SUGCT: variants seen among roughly 807,000 people sequenced by gnomAD.
SUGCT encodes succinyl-CoA:glutarate-CoA transferase, also known as succinyl-CoA:glutarate CoA-transferase.
Under a neutral mutation model 55.0 loss-of-function variants are expected in SUGCT, and 41 were observed. The ratio of observed to expected loss-of-function variants is 0.74; its 90% CI spans 0.58 to 0.97. The LOEUF (loss-of-function observed/expected upper bound fraction) is 0.97. Among genes scored for constraint, SUGCT ranks in the 50% least tolerant of loss-of-function variants. The pLI is 0.00. For missense variants in SUGCT, 568 were observed against 547.8 expected, an observed-to-expected ratio of 1.04 and a Z score of -0.37; for synonymous variants, 187 against 200.4, an observed-to-expected ratio of 0.93 and a Z score of 0.56.
the SUGCT span, among the ~76,000 whole-genome samples, chr7:40,962,878 T>C: frequency 6.6e-6 from 1 of 152,152 alleles, no homozygotes; most frequent in African/African-American, 2.4e-5. Flanking sequence ...AGCTTGTTTA[T>C]TTTCAAACCT....
At chr7:40,338,709 T>C (rs1477894229) in intron 9 of SUGCT, among the ~76,000 whole-genome samples, 1 of 152,198 alleles carries the variant, frequency 6.6e-6, no homozygotes, top group Non-Finnish European at 1.5e-5. Flanking sequence ...TGCTTTAGCT[T>C]GGAGAAGTTT....
At chr7:40,643,759 A>C (rs1405642689) in intron 12 of SUGCT, among the ~76,000 whole-genome samples, 2 of 152,184 alleles carry the variant, frequency 1.3e-5, no homozygotes, top group African/African-American at 4.8e-5. Flanking sequence ...GTAAAATGGA[A>C]ACATCTGTCC....
chr7:40,723,757 A>G (rs1463382733), intron 12 of SUGCT, among the ~76,000 whole-genome samples: 4 of 152,306 alleles, frequency 2.6e-5, no homozygotes, highest in East Asian at 3.9e-4. Flanking sequence ...TTTTCATACT[A>G]TATCCCATTA....
At chr7:40,432,507 G>T (rs1445611700) in intron 9 of SUGCT, among the ~76,000 whole-genome samples, 1 of 152,008 alleles carries the variant, frequency 6.6e-6, no homozygotes, top group African/African-American at 2.4e-5. Flanking sequence ...CCAACATGGT[G>T]AAATCCCATC....
At chr7:40,684,167 T>A (rs754391788) in intron 12 of SUGCT, 1 of 1,557,680 alleles carries the variant, frequency 6.4e-7, no homozygotes, top group Non-Finnish European at 8.7e-7. Flanking sequence ...ACATCTCACT[T>A]CCTGCAGCCA....
intron 12 of SUGCT, among the ~76,000 whole-genome samples, chr7:40,577,940 A>C (rs1196582682): frequency 6.6e-6 from 1 of 152,172 alleles, no homozygotes; most frequent in Admixed American, 6.5e-5. Flanking sequence ...TTTAATATTC[A>C]TCCTGTTTAG....
At chr7:40,996,582 G>A in the SUGCT span, among the ~76,000 whole-genome samples, 4 of 152,130 alleles carry the variant, frequency 2.6e-5, no homozygotes, top group Non-Finnish European at 4.4e-5. Flanking sequence ...TGGGGACCAG[G>A]GAAATTGCCA....
intron 9 of SUGCT, among the ~76,000 whole-genome samples, chr7:40,365,410 C>T (rs1461336309): frequency 4.6e-5 from 7 of 151,492 alleles, no homozygotes; most frequent in African/African-American, 1.7e-4. Context: ...AAGTTCTGGC[C>T]AGGGCAATCA....
At chr7:40,931,293 G>C in the SUGCT span, among the ~76,000 whole-genome samples, 1 of 152,184 alleles carries the variant, frequency 6.6e-6, no homozygotes, top group Non-Finnish European at 1.5e-5. Context: ...TGGTGGATAA[G>C]CTTTTTGATG....
intron 8 of SUGCT, among the ~76,000 whole-genome samples, chr7:40,279,511 G>T (rs372867280): frequency 2.0e-5 from 3 of 152,080 alleles, no homozygotes. Context: ...TTGTTTTTAG[G>T]ATCTAATGCA....
intron 12 of SUGCT, among the ~76,000 whole-genome samples, chr7:40,575,892 C>A (rs1459470375): frequency 6.7e-6 from 1 of 148,382 alleles, no homozygotes; most frequent in Non-Finnish European, 1.5e-5. Flanking sequence ...TGCAGTGAGC[C>A]GAGATTGTGC....
the SUGCT span, among the ~76,000 whole-genome samples, chr7:40,929,638 C>T: frequency 6.6e-6 from 1 of 152,098 alleles, no homozygotes; most frequent in African/African-American, 2.4e-5. Context: ...TGGTATCTCA[C>T]TGTGGTTCTG....
chr7:40,325,936 T>G (rs1796010761), intron 9 of SUGCT, among the ~76,000 whole-genome samples: 1 of 146,956 alleles, frequency 6.8e-6, no homozygotes. Flanking sequence ...TCTAGAATTC[T>G]TCTAATCTGT....
the SUGCT span, among the ~76,000 whole-genome samples, chr7:40,938,042 G>A: frequency 2.2e-3 from 330 of 152,326 alleles, 1 homozygote; most frequent in African/African-American, 6.7e-3. Flanking sequence ...TCTGACAGGA[G>A]GTGGAGTGCA....
At chr7:40,289,065 C>T (rs899700169) in intron 8 of SUGCT, among the ~76,000 whole-genome samples, 1 of 152,114 alleles carries the variant, frequency 6.6e-6, no homozygotes, top group Admixed American at 6.6e-5. Flanking sequence ...CTGTGGTAGG[C>T]TGAAAATAGT....
chr7:40,675,551 AT>A (rs964824670), intron 12 of SUGCT, among the ~76,000 whole-genome samples: 4 of 152,232 alleles, frequency 2.6e-5, no homozygotes, highest in Non-Finnish European at 5.9e-5. Context: ...ATAGAAGCAC[AT>A]CGTGCTAAAA....
intron 12 of SUGCT, among the ~76,000 whole-genome samples, chr7:40,558,257 T>A (rs1583979139): frequency 6.6e-6 from 1 of 152,250 alleles, no homozygotes; most frequent in East Asian, 1.9e-4. Context: ...ATCTATTAAT[T>A]CCACTCCTGG....
intron 12 of SUGCT, among the ~76,000 whole-genome samples, chr7:40,595,247 G>T (rs958357803): frequency 2.0e-5 from 3 of 152,126 alleles, no homozygotes; most frequent in African/African-American, 7.2e-5. Flanking sequence ...TTTGACCGAG[G>T]TCATAATGCT....
At chr7:40,519,289 A>T (rs1309279522) in intron 12 of SUGCT, among the ~76,000 whole-genome samples, 1 of 152,172 alleles carries the variant, frequency 6.6e-6, no homozygotes, top group Non-Finnish European at 1.5e-5. Context: ...TAAGGACATT[A>T]GTAAAACAGG....
Sources: gnomAD v4.1 joint callset for allele counts (sites outside exome capture counted in the v4.1 genomes callset) on GRCh38, gnomAD v4.1.1 for gene constraint, MANE v1.5 for transcripts, NCBI Gene and HGNC (gene_info 2026-07-23, HGNC 2026-07-21) for gene names.